Variants in GREB1L observed in about 807,000 individuals in gnomAD.
GREB1L encodes GREB1 like retinoic acid receptor coactivator, also known as GREB1-like protein.
GREB1L carries 17 observed loss-of-function variants against 200.8 expected under a neutral mutation model. The observed-to-expected ratio is 0.08, with a 90% CI of 0.06 to 0.13. The LOEUF is 0.13. Among genes scored for constraint, GREB1L ranks in the 10% least tolerant of loss-of-function variants. The probability of loss-of-function intolerance (pLI) is 1.00; values close to 1 mark genes in which losing one functional copy is unlikely to be tolerated. For synonymous variants in GREB1L, 789 were observed against 893.0 expected, an observed-to-expected ratio of 0.88 and a Z score of 2.08; for missense variants, 1,657 against 2,367.7, an observed-to-expected ratio of 0.70 and a Z score of 6.23.
intron 4 of GREB1L, among the ~76,000 whole-genome samples, chr18:21,392,727 C>A (rs1370147293): frequency 1.3e-5 from 2 of 151,832 alleles, no homozygotes; most frequent in South Asian, 4.2e-4. Context: ...ATTTAATATG[C>A]CCCACCGCTT....
At chr18:21,430,581 CTTTTTTTTT>C (rs147151717) in intron 7 of GREB1L, among the ~76,000 whole-genome samples, 1 of 60,190 alleles carries the variant, frequency 1.7e-5, no homozygotes, top group African/African-American at 6.6e-5. Context: ...GATTTGGGAT[CTTTTTTTTT>C]TTTTTTTTTT....
chr18:21,291,085 C>T (rs776916684), intron 1 of GREB1L, among the ~76,000 whole-genome samples: 1 of 152,010 alleles, frequency 6.6e-6, no homozygotes, highest in Non-Finnish European at 1.5e-5. Context: ...ATTTCTAGGC[C>T]AATATTCTAT....
At chr18:21,376,910 T>A (rs2040101165) in intron 2 of GREB1L, among the ~76,000 whole-genome samples, 1 of 151,944 alleles carries the variant, frequency 6.6e-6, no homozygotes. Context: ...TAAGACTCCA[T>A]TACATTGCTT....
At chr18:21,435,630 A>T (rs1194596606) in intron 7 of GREB1L, among the ~76,000 whole-genome samples, 1 of 152,212 alleles carries the variant, frequency 6.6e-6, no homozygotes, top group Admixed American at 6.5e-5. Flanking sequence ...AACAATGGTT[A>T]AAAGGAAAAG....
intron 1 of GREB1L, among the ~76,000 whole-genome samples, chr18:21,365,551 A>T (rs2039658767): frequency 6.6e-6 from 1 of 152,120 alleles, no homozygotes; most frequent in African/African-American, 2.4e-5. Flanking sequence ...TTACTGGAAA[A>T]TTTTCAATCA....
At chr18:21,464,398 G>T (rs1204843475) in intron 15 of GREB1L, among the ~76,000 whole-genome samples, 1 of 151,952 alleles carries the variant, frequency 6.6e-6, no homozygotes, top group Non-Finnish European at 1.5e-5. Context: ...ACAAAAATTA[G>T]CCGGGCGTAG....
chr18:21,384,549 T>C (rs2040458441), intron 4 of GREB1L, 146 bp downstream of exon 4: 1 of 666,390 alleles, frequency 1.5e-6, no homozygotes, highest in East Asian at 2.7e-5. Flanking sequence ...TCATTCACAT[T>C]ATCTCCTGTG....
chr18:21,274,025 A>G (rs535723528), intron 1 of GREB1L, among the ~76,000 whole-genome samples: 1 of 152,372 alleles, frequency 6.6e-6, no homozygotes, highest in South Asian at 2.1e-4. Context: ...TTTGGTTGCT[A>G]TAACAAAAAT....
At chr18:21,355,985 T>C (rs1158065795) in intron 1 of GREB1L, among the ~76,000 whole-genome samples, 2 of 140,740 alleles carry the variant, frequency 1.4e-5, no homozygotes, top group Non-Finnish European at 3.1e-5. Context: ...TAGGCTTCTT[T>C]TTTTTTTTTT....
chr18:21,460,685 G>T (rs1229391319), intron 15 of GREB1L, among the ~76,000 whole-genome samples: 1 of 152,014 alleles, frequency 6.6e-6, no homozygotes, highest in Non-Finnish European at 1.5e-5. Context: ...CTCCACAGTG[G>T]CTGTCATGGA....
At chr18:21,459,935 C>T (rs1483420702) in intron 15 of GREB1L, among the ~76,000 whole-genome samples, 1 of 152,082 alleles carries the variant, frequency 6.6e-6, no homozygotes, top group African/African-American at 2.4e-5. Context: ...ACCTTCCGTT[C>T]TCACCCTCAG....
intron 1 of GREB1L, among the ~76,000 whole-genome samples, chr18:21,321,132 A>G (rs1306272777): frequency 6.6e-6 from 1 of 151,684 alleles, no homozygotes. Flanking sequence ...TGTCTCTACT[A>G]AAAATACAAA....
intron 1 of GREB1L, among the ~76,000 whole-genome samples, chr18:21,274,574 C>A (rs2038131309): frequency 6.6e-6 from 1 of 152,046 alleles, no homozygotes; most frequent in Non-Finnish European, 1.5e-5. Context: ...CCATGCCCGG[C>A]AAATTTATTT....
chr18:21,450,811 CTG>C (rs1188668360), intron 12 of GREB1L: 1 of 463,518 alleles, frequency 2.2e-6, no homozygotes, highest in Non-Finnish European at 3.8e-6. Context: ...CCCTGATCAT[CTG>C]TATTATAAAC....
intron 1 of GREB1L, among the ~76,000 whole-genome samples, chr18:21,363,346 G>A (rs1172935672): frequency 1.5e-5 from 2 of 136,624 alleles, no homozygotes; most frequent in African/African-American, 2.8e-5. Context: ...GAATTGCCCC[G>A]ATATAAAAGC....
intron 1 of GREB1L, among the ~76,000 whole-genome samples, chr18:21,292,047 T>C (rs1175813007): frequency 6.6e-6 from 1 of 152,200 alleles, no homozygotes; most frequent in Admixed American, 6.5e-5. Flanking sequence ...TTAAATTATC[T>C]GCTGGGGCAG....
intron 15 of GREB1L, among the ~76,000 whole-genome samples, chr18:21,469,474 C>T (rs1049012466): frequency 4.6e-5 from 7 of 152,158 alleles, no homozygotes; most frequent in Middle Eastern, 3.4e-3. Context: ...ATAAGATATT[C>T]GAGGGTTACT....
intron 1 of GREB1L, among the ~76,000 whole-genome samples, chr18:21,326,303 T>A (rs1209778228): frequency 6.6e-6 from 1 of 152,168 alleles, no homozygotes; most frequent in Non-Finnish European, 1.5e-5. Context: ...TTGATTTTGT[T>A]AGGATTAGGT....
chr18:21,423,086 A>G (rs1598806581), intron 7 of GREB1L, among the ~76,000 whole-genome samples: 1 of 152,044 alleles, frequency 6.6e-6, no homozygotes, highest in East Asian at 1.9e-4. Flanking sequence ...AGGTGCCACC[A>G]TGCCCAGCTA....
Sources: gnomAD v4.1 joint callset for allele counts (sites outside exome capture counted in the v4.1 genomes callset) on GRCh38, gnomAD v4.1.1 for gene constraint, MANE v1.5 for transcripts, NCBI Gene and HGNC (gene_info 2026-07-23, HGNC 2026-07-21) for gene names.